THSD7B: variants seen among roughly 807,000 people sequenced by gnomAD.
THSD7B encodes thrombospondin type-1 domain-containing protein 7B.
THSD7B carries 138 observed loss-of-function variants against 213.6 expected under a neutral mutation model. The observed-to-expected ratio is 0.65, with a 90% CI of 0.56 to 0.74. The LOEUF (loss-of-function observed/expected upper bound fraction) is 0.74. Ranked by LOEUF, THSD7B falls within the 30% of genes least tolerant of loss-of-function variation. The pLI is 0.00. For synonymous variants in THSD7B, 742 were observed against 687.0 expected (o/e 1.08, Z -1.25); for missense variants, 1,931 against 1,991.5 (o/e 0.97, Z 0.58).
intron 17 of THSD7B, among the ~76,000 whole-genome samples, chr2:137,573,211 T>C (rs1377786520): frequency 2.0e-5 from 3 of 152,136 alleles, no homozygotes; most frequent in Admixed American, 2.0e-4. Flanking sequence ...TCTGATGTTT[T>C]ATACTCATAC....
At chr2:137,158,591 C>G (rs1289802584) in intron 5 of THSD7B, among the ~76,000 whole-genome samples, 1 of 152,148 alleles carries the variant, frequency 6.6e-6, no homozygotes, top group East Asian at 1.9e-4. Context: ...TTCCTTTCAC[C>G]CTCATAAGCA....
chr2:136,946,182 C>T (rs1354940250), intron 2 of THSD7B, among the ~76,000 whole-genome samples: 1 of 152,094 alleles, frequency 6.6e-6, no homozygotes, highest in Non-Finnish European at 1.5e-5. Context: ...TATGCTATTC[C>T]TTTCTGTTTG....
At chr2:137,312,421 T>A (rs151107041) in intron 12 of THSD7B, among the ~76,000 whole-genome samples, 1 of 139,418 alleles carries the variant, frequency 7.2e-6, no homozygotes, top group African/African-American at 2.8e-5. Context: ...GTCTTGCTAG[T>A]GGTCTATCAA....
chr2:137,651,574 T>C (rs1031731248), intron 21 of THSD7B, among the ~76,000 whole-genome samples: 1 of 152,062 alleles, frequency 6.6e-6, no homozygotes, highest in Non-Finnish European at 1.5e-5. Context: ...GCTACTCTGA[T>C]GTATATGATT....
At chr2:136,776,886 A>G (rs1029236092) in intron 1 of THSD7B, among the ~76,000 whole-genome samples, 8 of 152,124 alleles carry the variant, frequency 5.3e-5, no homozygotes, top group Non-Finnish European at 8.8e-5. Flanking sequence ...ACAACCAGAA[A>G]GAAAACATAC....
Position 137,620,752 on chromosome 2 carries a change from T to G in THSD7B, c.3799+26T>G, listed in dbSNP as rs748128551. On this transcript the variant is annotated intron_variant, in intron 20 of 27. Coordinates refer to ENST00000409968, the MANE Select transcript of THSD7B (RefSeq NM_001316349.2). ...GTATTGGTTTCCCCATATTTCCCACTAACTAGTGTAGGTTTCTAAATATCA... is the reference window on the plus strand; with the variant it reads ...GTATTGGTTTCCCCATATTTCCCACGAACTAGTGTAGGTTTCTAAATATCA... 7 of 1,563,000 alleles carry G rather than the reference T, an allele frequency of 4.5e-6. No homozygotes were observed. The South Asian group carries it at 7.8e-5, about 17-fold the overall frequency.
chr2:137,627,576 A>G (rs1682655060), intron 20 of THSD7B, among the ~76,000 whole-genome samples: 1 of 152,208 alleles, frequency 6.6e-6, no homozygotes, highest in African/African-American at 2.4e-5. Context: ...GTTGATAATT[A>G]TCTTCTTTAG....
chr2:137,281,935 G>C (rs1323846491), intron 12 of THSD7B, among the ~76,000 whole-genome samples: 1 of 152,062 alleles, frequency 6.6e-6, no homozygotes, highest in African/African-American at 2.4e-5. Flanking sequence ...GGGATGGCTG[G>C]GTCAAATGGT....
At chr2:137,004,296 TACACACACACAC>T (rs34674642) in intron 2 of THSD7B, among the ~76,000 whole-genome samples, 1,810 of 131,576 alleles carry the variant, frequency 0.014, 22 homozygotes, top group South Asian at 0.039. Context: ...TGTGCACACG[TACACACACACAC>T]ACACACACAC....
chr2:137,439,971 C>T (rs1450535470), intron 14 of THSD7B, among the ~76,000 whole-genome samples: 1 of 152,062 alleles, frequency 6.6e-6, no homozygotes, highest in Non-Finnish European at 1.5e-5. Flanking sequence ...TCTTCTGTTC[C>T]ACAGAGTTCT....
chr2:137,378,723 C>T (rs2104960699), intron 12 of THSD7B, among the ~76,000 whole-genome samples: 1 of 152,246 alleles, frequency 6.6e-6, no homozygotes, highest in South Asian at 2.1e-4. Flanking sequence ...TAATTTGGAG[C>T]ACCTGTGATT....
chr2:137,295,494 T>C (rs1683440230), intron 12 of THSD7B, among the ~76,000 whole-genome samples: 1 of 152,176 alleles, frequency 6.6e-6, no homozygotes, highest in Non-Finnish European at 1.5e-5. Context: ...TTTTTGTTTT[T>C]GAGATGGAGT....
At chr2:137,477,997 C>T (rs1688227514) in intron 15 of THSD7B, among the ~76,000 whole-genome samples, 3 of 151,848 alleles carry the variant, frequency 2.0e-5, no homozygotes, top group African/African-American at 7.3e-5. Context: ...ATGCTGTTCT[C>T]TTGCTTTTTG....
At chr2:137,243,296 G>C (rs138667023) in intron 10 of THSD7B, among the ~76,000 whole-genome samples, 1 of 152,298 alleles carries the variant, frequency 6.6e-6, no homozygotes, top group African/African-American at 2.4e-5. Context: ...CTAAGATCTA[G>C]AGTTAATAAC....
At chr2:136,893,080 G>A (rs2105003733) in intron 2 of THSD7B, among the ~76,000 whole-genome samples, 1 of 152,192 alleles carries the variant, frequency 6.6e-6, no homozygotes, top group African/African-American at 2.4e-5. Context: ...CACATTAACG[G>A]GAAGTCTTCT....
intron 1 of THSD7B, among the ~76,000 whole-genome samples, chr2:136,880,783 G>C (rs1000513975): frequency 2.0e-5 from 3 of 152,208 alleles, no homozygotes; most frequent in African/African-American, 7.2e-5. Flanking sequence ...CTGGACTACT[G>C]TTTCACTAAT....
intron 2 of THSD7B, among the ~76,000 whole-genome samples, chr2:137,000,686 CTTAA>C (rs1235931514): frequency 2.0e-5 from 3 of 152,018 alleles, no homozygotes; most frequent in African/African-American, 7.2e-5. Context: ...AATGATTAGT[CTTAA>C]TTAAGTTCTG....
chr2:137,441,123 C>G (rs1036214511), intron 14 of THSD7B, among the ~76,000 whole-genome samples: 1 of 152,120 alleles, frequency 6.6e-6, no homozygotes, highest in African/African-American at 2.4e-5. Context: ...TTATATTGTT[C>G]TCTAACAACA....
chr2:137,342,526 T>C (rs147401133), intron 12 of THSD7B, among the ~76,000 whole-genome samples: 1 of 151,734 alleles, frequency 6.6e-6, no homozygotes, highest in African/African-American at 2.4e-5. Context: ...CTAATTGTTC[T>C]GACAAGGACT....
Sources: gnomAD v4.1 joint callset for allele counts (sites outside exome capture counted in the v4.1 genomes callset) on GRCh38, gnomAD v4.1.1 for gene constraint, MANE v1.5 for transcripts, NCBI Gene and HGNC (gene_info 2026-07-23, HGNC 2026-07-21) for gene names.